MIA2: variants seen among roughly 807,000 people sequenced by gnomAD.
The protein encoded by MIA2 is melanoma inhibitory activity protein 2.
MIA2 carries 127 observed loss-of-function variants against 167.8 expected under a neutral mutation model. That is an observed-to-expected ratio of 0.76 (90% CI 0.66 to 0.88). MIA2 has a LOEUF of 0.88. Ranked by LOEUF, MIA2 falls within the 40% of genes least tolerant of loss-of-function variation. The probability of loss-of-function intolerance (pLI) is 0.00; values close to 1 mark genes in which losing one functional copy is unlikely to be tolerated. For missense variants in MIA2, 1,690 were observed against 1,624.7 expected, an observed-to-expected ratio of 1.04 and a Z score of -0.69; for synonymous variants, 552 against 541.9, an observed-to-expected ratio of 1.02 and a Z score of -0.26.
In MIA2 at chr14:39,319,058, A is replaced by T. The variant is rs376778453; in HGVS notation, c.3285-151A>T. 2.1e-4 allele frequency: 89 copies of T among 432,192 alleles called. No homozygotes were observed. In the South Asian group the frequency reaches 6.0e-3, roughly 29 times the overall value. 26.8% of individuals were successfully genotyped at this position (432,192 alleles called of 1,614,324 possible). A position where few individuals can be genotyped will look rare whatever the true frequency, so the allele number is the denominator to read the frequency against. Reference sequence around the variant, plus strand: ...CCTAGTTAATAAGCAGTGGGAGATAAAGGTGTTTTGGTCAGAATAATTTTA... The same window carrying T: ...CCTAGTTAATAAGCAGTGGGAGATATAGGTGTTTTGGTCAGAATAATTTTA... On this transcript the variant is annotated intron_variant, in intron 22 of 28. Coordinates refer to ENST00000640607, the MANE Select transcript of MIA2 (RefSeq NM_001329214.4).
chr14:39,365,962 G>A (rs911238373), intron 23 of MIA2, among the ~76,000 whole-genome samples: 1 of 151,918 alleles, frequency 6.6e-6, no homozygotes, highest in Admixed American at 6.6e-5. Flanking sequence ...CTGATTTTTT[G>A]TATTGGCTTT....
intron 6 of MIA2, among the ~76,000 whole-genome samples, chr14:39,261,157 A>G (rs557226635): frequency 6.6e-6 from 1 of 151,986 alleles, no homozygotes; most frequent in East Asian, 1.9e-4. Context: ...ACCCCACGAC[A>G]GGCTCTGGTG....
At chr14:39,366,850 C>T (rs80224163) in intron 23 of MIA2, among the ~76,000 whole-genome samples, 4,099 of 152,214 alleles carry the variant, frequency 0.027, 161 homozygotes, top group African/African-American at 0.086. Flanking sequence ...CTCACAGCTG[C>T]AGGTAGGCAA....
Position 39,236,999 on chromosome 14 carries a change from G to A in MIA2, c.193G>A (p.Glu65Lys), listed in dbSNP as rs2053774668. ...ATACCTGAACTTCACTAAGGGAGAA[G>A]AGATATCTGTTTATGTTAAACTTGC... ...CRYLNFTKGE[E>K]ISVYVKLAGE... Residue 65 changes from glutamate (E) to lysine (K), a missense_variant, in exon 2 of 29, where the codon GAG becomes AAG. Glu to Lys is a moderately conservative substitution (Grantham distance 56, BLOSUM62 1). Transcript: ENST00000640607. The A allele has an allele frequency of 6.2e-7, 1 of 1,614,106 alleles. No homozygotes were observed. Among genetic ancestry groups the A allele is most frequent in the East Asian group, 2.2e-5 (1 of 44,878 alleles).
In MIA2 at chr14:39,247,497, G is replaced by T. The variant is rs751683458; in HGVS notation, c.923G>T (p.Gly308Val). Reference sequence around the variant, plus strand: ...CACATTCCCAAACCTCAATCCACTGGTTGGTTTGGTGGAGGATTTACAAGT... The same window carrying T: ...CACATTCCCAAACCTCAATCCACTGTTTGGTTTGGTGGAGGATTTACAAGT... ...SEHIPKPQSTGWFGGGFTSYL... is the reference protein window; with the variant it reads ...SEHIPKPQSTVWFGGGFTSYL... The change falls in exon 4 of 29, where the codon GGT (glycine) becomes GTT (valine). Residue 308 changes from glycine to valine, a missense_variant. Physicochemically the swap from Gly to Val is moderately radical, Grantham distance 109. Coordinates refer to ENST00000640607, the MANE Select transcript of MIA2 (RefSeq NM_001329214.4). 2.3e-5 allele frequency: 37 copies of T among 1,613,868 alleles called. No homozygotes were observed. The highest frequency in any genetic ancestry group is 3.1e-5 in the Non-Finnish European group (36 of 1,179,970).
At chr14:39,340,043 A>G (rs1283164269) in intron 25 of MIA2, among the ~76,000 whole-genome samples, 2 of 152,086 alleles carry the variant, frequency 1.3e-5, no homozygotes, top group Non-Finnish European at 2.9e-5. Flanking sequence ...GGGCCTCACT[A>G]TGTTGCCCAG....
At chr14:39,347,140 G>C (rs939412111) in intron 26 of MIA2, among the ~76,000 whole-genome samples, 6 of 152,096 alleles carry the variant, frequency 3.9e-5, no homozygotes, top group Non-Finnish European at 7.4e-5. Context: ...TAGTTAGTTG[G>C]GGAAGGAAGT....
intron 25 of MIA2, among the ~76,000 whole-genome samples, chr14:39,328,377 A>G (rs1595679376): frequency 6.6e-6 from 1 of 152,104 alleles, no homozygotes; most frequent in East Asian, 1.9e-4. Flanking sequence ...CCTTTGTCAG[A>G]TGGATAGATT....
At chr14:39,352,192 T>G (rs989573727), downstream of MIA2, among the ~76,000 whole-genome samples, 1 of 140,560 alleles carries the variant, frequency 7.1e-6, no homozygotes, top group East Asian at 2.3e-4. Flanking sequence ...TTCAATATTG[T>G]TTTTGGCTTT....
intron 9 of MIA2, among the ~76,000 whole-genome samples, chr14:39,285,562 G>A (rs1348295778): frequency 6.8e-6 from 1 of 146,460 alleles, no homozygotes; most frequent in East Asian, 2.1e-4. Context: ...CTGGCCGGGC[G>A]GGGGCTGACC....
In MIA2 at chr14:39,247,195, T is replaced by A. The variant is rs767961449; in HGVS notation, c.621T>A (p.Asp207Glu). The A allele has an allele frequency of 3.7e-6, 6 of 1,614,112 alleles. No homozygotes were observed. Among genetic ancestry groups the A allele is most frequent in the Non-Finnish European group, 5.1e-6 (6 of 1,180,014 alleles). Residue 207 changes from aspartate (D) to glutamate (E), a missense_variant, in exon 4 of 29, where the codon GAT becomes GAA. Coordinates refer to ENST00000640607, the MANE Select transcript of MIA2 (RefSeq NM_001329214.4). ...EEVVVESMEQ[D>E]RIPEVHVPPS... ...TAGTTGTTGAAAGTATGGAACAGGA[T>A]CGTATTCCAGAAGTGCATGTCCCAC...
intron 23 of MIA2, among the ~76,000 whole-genome samples, chr14:39,380,417 G>A (rs992681507): frequency 6.6e-6 from 1 of 152,122 alleles, no homozygotes; most frequent in Admixed American, 6.5e-5. Context: ...ATTGATGCTG[G>A]AGTGCTGTGG....
chr14:39,372,392 GTT>G (rs2074966651), intron 23 of MIA2, among the ~76,000 whole-genome samples: 1 of 152,144 alleles, frequency 6.6e-6, no homozygotes, highest in Non-Finnish European at 1.5e-5. Context: ...AGATCTATGA[GTT>G]ATAAGTGAGT....
At chr14:39,387,869 T>A (rs999871083) in exon 24 of MIA2, 1 of 152,148 alleles carries the variant, frequency 6.6e-6, no homozygotes, top group Admixed American at 6.5e-5. Flanking sequence ...GGAAAAAGAT[T>A]ATGACTCGCT....
chr14:39,311,714 T>C, intron 18 of MIA2, among the ~76,000 whole-genome samples: 1 of 151,744 alleles, frequency 6.6e-6, no homozygotes, highest in Admixed American at 6.6e-5. Context: ...GGTCTCAAAC[T>C]CCTGACCTCT....
chr14:39,307,838 G>A (rs1488768041), intron 17 of MIA2, among the ~76,000 whole-genome samples: 5 of 152,064 alleles, frequency 3.3e-5, no homozygotes, highest in African/African-American at 9.7e-5. Context: ...TAAGCCACAC[G>A]AGAAAGAGAA....
At chr14:39,253,717 C>A (rs780382948) in intron 6 of MIA2, 5 of 150,938 alleles carry the variant, frequency 3.3e-5, no homozygotes, top group African/African-American at 4.9e-5. Flanking sequence ...AGAGTTGTAA[C>A]CTCAAAATGG....
chr14:39,333,081 C>T (rs1431334884), intron 25 of MIA2, among the ~76,000 whole-genome samples: 4 of 151,640 alleles, frequency 2.6e-5, no homozygotes, highest in Non-Finnish European at 4.4e-5. Flanking sequence ...TTTTTTTAAA[C>T]CATTGAGTAT....
At position 39,265,180 on chromosome 14, in the gene MIA2, TAAC is replaced by T. The variant is rs572264159; in HGVS notation, c.1888-11750_1888-11748del. The T allele has an allele frequency of 7.2e-4, 359 of 499,522 alleles. 4 individuals are homozygous for T. The Admixed American group carries it at 0.012, about 17-fold the overall frequency. 30.9% of individuals were successfully genotyped at this position (499,522 alleles called of 1,614,324 possible). A position where few individuals can be genotyped will look rare whatever the true frequency, so the allele number is the denominator to read the frequency against. On this transcript the variant is annotated intron_variant, in intron 6 of 28. Coordinates refer to ENST00000640607, the MANE Select transcript of MIA2 (RefSeq NM_001329214.4). ...GTGAGTATATATATATATATATACTTAACAACGAGTGAGGTCCATGAAATTGGG... is the reference window on the plus strand; with the variant it reads ...GTGAGTATATATATATATATATACTTAACGAGTGAGGTCCATGAAATTGGG...
Sources: gnomAD v4.1 joint callset for allele counts (sites outside exome capture counted in the v4.1 genomes callset) on GRCh38, gnomAD v4.1.1 for gene constraint, MANE v1.5 for transcripts, NCBI Gene and HGNC (gene_info 2026-07-23, HGNC 2026-07-21) for gene names.